Variants in ITPR1 observed in about 807,000 individuals in gnomAD.
The protein encoded by ITPR1 is inositol 1,4,5-trisphosphate receptor type 1.
A neutral mutation model predicts 318.4 loss-of-function variants in ITPR1; 96 were observed. The observed-to-expected ratio is 0.30, with a 90% CI of 0.26 to 0.36. The LOEUF (loss-of-function observed/expected upper bound fraction) is 0.36. Ranked by LOEUF, ITPR1 falls within the 10% of genes least tolerant of loss-of-function variation. ITPR1 has a pLI of 1.00. For synonymous variants in ITPR1, 1,312 were observed against 1,289.9 expected, an observed-to-expected ratio of 1.02 and a Z score of -0.37; for missense variants, 2,440 against 3,460.2, an observed-to-expected ratio of 0.71 and a Z score of 7.40.
intron 47 of ITPR1, among the ~76,000 whole-genome samples, chr3:4,775,668 T>C (rs2046439505): frequency 1.3e-5 from 2 of 152,220 alleles, no homozygotes; most frequent in Non-Finnish European, 2.9e-5. Flanking sequence ...TTTCCTTGGC[T>C]AGGTTTGGCT....
intron 4 of ITPR1, among the ~76,000 whole-genome samples, chr3:4,528,216 T>G (rs969182598): frequency 6.6e-6 from 1 of 152,214 alleles, no homozygotes; most frequent in African/African-American, 2.4e-5. Context: ...TTTCCAAGAT[T>G]TCATCCAGCT....
intron 55 of ITPR1, among the ~76,000 whole-genome samples, chr3:4,809,002 G>C (rs1247806466): frequency 6.6e-6 from 1 of 152,214 alleles, no homozygotes; most frequent in Non-Finnish European, 1.5e-5. Flanking sequence ...CAGATGGTCA[G>C]TAAACATGGA....
intron 4 of ITPR1, among the ~76,000 whole-genome samples, chr3:4,590,088 C>T (rs929468534): frequency 7.9e-5 from 12 of 152,196 alleles, no homozygotes; most frequent in African/African-American, 2.6e-4. Context: ...CAGATGCCAC[C>T]ACCCCTGAGA....
intron 42 of ITPR1, among the ~76,000 whole-genome samples, chr3:4,727,911 T>G (rs143991792): frequency 0.012 from 1,843 of 152,314 alleles, 37 homozygotes; most frequent in African/African-American, 0.042. Flanking sequence ...TACCTATTTT[T>G]TATACACATG....
Position 4,831,161 on chromosome 3 carries a change from CCT to C in ITPR1, c.8029-5606_8029-5605del, listed in dbSNP as rs1285970775. On this transcript the variant is annotated intron_variant, in intron 60 of 61. Transcript: ENST00000649015. ...CACACACACACACACACACTCACTCCCTCTCTCTGTCTCTCTCCCTCTTTCCA... is the reference window on the plus strand; with the variant it reads ...CACACACACACACACACACTCACTCCCTCTCTGTCTCTCTCCCTCTTTCCA... 9.0e-5 allele frequency: 8 copies of C among 88,556 alleles called. No homozygotes were observed. In the East Asian group the frequency reaches 1.4e-3, roughly 16 times the overall value. The allele number at this position is 88,556 out of a possible 1,614,324, so 5.5% of individuals were successfully genotyped here. A position where few individuals can be genotyped will look rare whatever the true frequency, so the allele number is the denominator to read the frequency against.
At chr3:4,644,710 C>T (rs192951232) in intron 8 of ITPR1, among the ~76,000 whole-genome samples, 119 of 152,268 alleles carry the variant, frequency 7.8e-4, no homozygotes, top group African/African-American at 2.8e-3. Context: ...ATGTTACTTC[C>T]TTGTGACATA....
At chr3:4,568,081 C>A (rs190425476) in intron 4 of ITPR1, among the ~76,000 whole-genome samples, 4 of 152,236 alleles carry the variant, frequency 2.6e-5, no homozygotes, top group Admixed American at 6.5e-5. Context: ...AGCCTGAAGG[C>A]GCAGACCTGA....
At chr3:4,673,744 G>A (rs78868829) in intron 21 of ITPR1, among the ~76,000 whole-genome samples, 8 of 152,080 alleles carry the variant, frequency 5.3e-5, no homozygotes, top group Non-Finnish European at 8.8e-5. Context: ...CACCACGCCC[G>A]GCTAATTTTT....
chr3:4,508,455 G>GTTTTTT (rs4054897), intron 2 of ITPR1, among the ~76,000 whole-genome samples: 49 of 125,738 alleles, frequency 3.9e-4, no homozygotes, highest in East Asian at 2.1e-3. Flanking sequence ...GAAAATCAAG[G>GTTTTTT]TTTTTTTTTT....
chr3:4,769,677 G>C (rs765076058), intron 46 of ITPR1, among the ~76,000 whole-genome samples: 3 of 152,186 alleles, frequency 2.0e-5, no homozygotes, highest in Non-Finnish European at 4.4e-5. Flanking sequence ...ATATTATATA[G>C]ATGAGGAAAC....
chr3:4,829,871 C>G (rs1397517913), intron 60 of ITPR1, among the ~76,000 whole-genome samples: 3 of 147,394 alleles, frequency 2.0e-5, no homozygotes, highest in African/African-American at 7.3e-5. Flanking sequence ...CCTCCCTCCC[C>G]CTGAGCCTCA....
intron 2 of ITPR1, among the ~76,000 whole-genome samples, chr3:4,502,556 T>A (rs2081099481): frequency 6.6e-6 from 1 of 151,884 alleles, no homozygotes; most frequent in Non-Finnish European, 1.5e-5. Flanking sequence ...TTCTCCTGCC[T>A]CAGCCTCCTG....
intron 4 of ITPR1, among the ~76,000 whole-genome samples, chr3:4,594,731 A>C (rs545113897): frequency 9.3e-5 from 14 of 151,066 alleles, no homozygotes; most frequent in Non-Finnish European, 1.9e-4. Flanking sequence ...TGGCCGTCTC[A>C]GTCATGGATA....
At chr3:4,758,472 C>T (rs553392732) in intron 44 of ITPR1, among the ~76,000 whole-genome samples, 32 of 152,310 alleles carry the variant, frequency 2.1e-4, no homozygotes, top group Admixed American at 1.8e-3. Context: ...GGCCCAGAAA[C>T]GGACAGGTAG....
intron 44 of ITPR1, among the ~76,000 whole-genome samples, chr3:4,759,936 G>A (rs963324036): frequency 1.5e-4 from 23 of 152,202 alleles, no homozygotes; most frequent in African/African-American, 5.1e-4. Flanking sequence ...CCCTGCCCCT[G>A]CCCCTGCCCT....
In ITPR1 at chr3:4,642,267, C is replaced by T. The variant is rs1481353256; in HGVS notation, c.525+16C>T. 2.7e-6 allele frequency: 4 copies of T among 1,503,644 alleles called. No homozygotes were observed. Among genetic ancestry groups the T allele is most frequent in the Non-Finnish European group, 2.7e-6 (3 of 1,125,236 alleles). The allele number at this position is 1,503,644 out of a possible 1,614,324, so 93.1% of individuals were successfully genotyped here. Reference sequence around the variant, plus strand: ...TGGAGACAGCGTAAGTGCGGATTCTCCACCTAGAAAGTCTTCCGTGCCATG... The same window carrying T: ...TGGAGACAGCGTAAGTGCGGATTCTTCACCTAGAAAGTCTTCCGTGCCATG... On this transcript the variant is annotated intron_variant, in intron 7 of 61. Transcript: ENST00000649015.
chr3:4,761,753 G>C (rs1431704352), intron 44 of ITPR1, among the ~76,000 whole-genome samples: 1 of 152,220 alleles, frequency 6.6e-6, no homozygotes, highest in Non-Finnish European at 1.5e-5. Context: ...TGCTTCAGGA[G>C]CCTGGGGCGG....
intron 26 of ITPR1, 55 bp from the exon 27 acceptor site, chr3:4,683,331 G>C: frequency 6.3e-7 from 1 of 1,592,110 alleles, no homozygotes; most frequent in Non-Finnish European, 8.6e-7. Context: ...CCCAAGGGGC[G>C]TGAGAGGAGG....
At chr3:4,769,197 C>T (rs907432708) in intron 46 of ITPR1, among the ~76,000 whole-genome samples, 4 of 152,144 alleles carry the variant, frequency 2.6e-5, no homozygotes, top group East Asian at 1.9e-4. Flanking sequence ...ACCGAGCCAC[C>T]GAGCCTGGCC....
Sources: gnomAD v4.1 joint callset for allele counts (sites outside exome capture counted in the v4.1 genomes callset) on GRCh38, gnomAD v4.1.1 for gene constraint, MANE v1.5 for transcripts, NCBI Gene and HGNC (gene_info 2026-07-23, HGNC 2026-07-21) for gene names.